The following MRPL3 variants were observed in gnomAD, a reference collection of about 807,000 sequenced individuals.
The protein encoded by MRPL3 is mitochondrial ribosomal protein L3.
A neutral mutation model predicts 44.3 loss-of-function variants in MRPL3; 43 were observed. The observed-to-expected ratio is 0.97, with a 90% CI of 0.76 to 1.25. The LOEUF (loss-of-function observed/expected upper bound fraction) is 1.25. MRPL3 is among the 50% of genes most tolerant of loss of function. MRPL3 has a pLI of 0.00. For missense variants in MRPL3, 406 were observed against 427.6 expected (o/e 0.95, Z 0.45); for synonymous variants, 171 against 152.3 (o/e 1.12, Z -0.91).
chr3:131,493,842 TA>T (rs1246292664), intron 4 of MRPL3, among the ~76,000 whole-genome samples: 1 of 152,118 alleles, frequency 6.6e-6, no homozygotes, highest in African/African-American at 2.4e-5. Flanking sequence ...TAGCAGCAAC[TA>T]AAAAACCCTA....
intron 3 of MRPL3, 129 bp from the exon 4 acceptor site, chr3:131,498,406 C>T (rs1934416711): frequency 8.9e-6 from 5 of 564,444 alleles, no homozygotes; most frequent in Non-Finnish European, 1.5e-5. Flanking sequence ...TCCTCTAACA[C>T]CAACCACAAT....
At chr3:131,475,883 C>T (rs892897589) in intron 6 of MRPL3, among the ~76,000 whole-genome samples, 2 of 152,142 alleles carry the variant, frequency 1.3e-5, no homozygotes, top group African/African-American at 4.8e-5. Context: ...TTTGAACTTA[C>T]CATATCATTT....
chr3:131,468,159 T>C lies in MRPL3; in HGVS notation c.826A>G (p.Ile276Val). ...RTEYGLKVWR[I>V]NTKHNIIYVN... ...TAGATTATGTTGTGCTTTGTGTTTA[T>C]TCTCCACACCTAAAGCATGAAATAA... is the stretch of plus-strand genomic sequence containing the variant. The change falls in exon 9 of 10, where the codon ATA (isoleucine) becomes GTA (valine). Residue 276 changes from isoleucine to valine, a missense_variant. Ile to Val is a conservative substitution (Grantham distance 29). Coordinates refer to ENST00000264995, the MANE Select transcript of MRPL3 (RefSeq NM_007208.4). 6.3e-7 allele frequency: 1 copy of C among 1,586,492 alleles called. No individual in the cohort carries two copies. Among genetic ancestry groups the C allele is most frequent in the South Asian group, 1.2e-5 (1 of 85,380 alleles).
chr3:131,463,914 A>G (rs1482595650), intron 9 of MRPL3, among the ~76,000 whole-genome samples: 1 of 152,156 alleles, frequency 6.6e-6, no homozygotes, highest in Non-Finnish European at 1.5e-5. Flanking sequence ...TACTTTAGCA[A>G]TAAGAAATGA....
At chr3:131,490,296 C>T (rs965213848) in intron 4 of MRPL3, among the ~76,000 whole-genome samples, 1 of 152,050 alleles carries the variant, frequency 6.6e-6, no homozygotes, top group Non-Finnish European at 1.5e-5. Flanking sequence ...TATTTAGATT[C>T]CAATCATGTA....
intron 6 of MRPL3, among the ~76,000 whole-genome samples, chr3:131,476,553 A>G (rs1269908958): frequency 1.3e-5 from 2 of 152,192 alleles, no homozygotes; most frequent in East Asian, 3.8e-4. Flanking sequence ...TTTTTAATTA[A>G]TGATAGCAGA....
intron 4 of MRPL3, among the ~76,000 whole-genome samples, chr3:131,495,774 T>C (rs1934353816): frequency 6.6e-6 from 1 of 152,206 alleles, no homozygotes; most frequent in East Asian, 1.9e-4. Flanking sequence ...ATAGAATAAA[T>C]TGAGCTCCCA....
intron 8 of MRPL3, among the ~76,000 whole-genome samples, chr3:131,468,609 G>A (rs144591525): frequency 1.7e-3 from 257 of 152,146 alleles, no homozygotes; most frequent in Non-Finnish European, 3.0e-3. Context: ...GAGAAAAAAC[G>A]TACATAAATG....
chr3:131,497,002 A>G (rs1934383706), intron 4 of MRPL3, among the ~76,000 whole-genome samples: 1 of 152,198 alleles, frequency 6.6e-6, no homozygotes, highest in Admixed American at 6.5e-5. Context: ...TGCAGAGGCC[A>G]TTCTCTCTGG....
intron 4 of MRPL3, among the ~76,000 whole-genome samples, chr3:131,490,633 C>T (rs1382858119): frequency 6.6e-6 from 1 of 152,204 alleles, no homozygotes. Flanking sequence ...TTTCCTCTTC[C>T]TCCCTTTGAG....
At chr3:131,499,331 AAGTGTGATGCTGCTGCTC>A (rs1934441956) in intron 3 of MRPL3, among the ~76,000 whole-genome samples, 1 of 152,168 alleles carries the variant, frequency 6.6e-6, no homozygotes, top group Non-Finnish European at 1.5e-5. Context: ...TGTTGGCGTT[AAGTGTGATGCTGCTGCTC>A]AAGTTTTCTA....
chr3:131,479,256 T>C (rs774490555), intron 6 of MRPL3: 1 of 509,842 alleles, frequency 2.0e-6, no homozygotes, highest in Non-Finnish European at 3.9e-6. Context: ...TTTCACTTTC[T>C]CTCTTTATGC....
At chr3:131,475,170 C>T (rs1305880805) in intron 6 of MRPL3, among the ~76,000 whole-genome samples, 1 of 152,044 alleles carries the variant, frequency 6.6e-6, no homozygotes, top group Non-Finnish European at 1.5e-5. Context: ...TGTTCCCTAA[C>T]CCCACCAACG....
chr3:131,489,588 A>G (rs920637023), intron 5 of MRPL3, among the ~76,000 whole-genome samples: 1 of 152,128 alleles, frequency 6.6e-6, no homozygotes, highest in Non-Finnish European at 1.5e-5. Flanking sequence ...GAATCTTTAC[A>G]TTGAGGTGCT....
chr3:131,497,985 G>A, intron 4 of MRPL3, 194 bp downstream of exon 4: 1 of 581,312 alleles, frequency 1.7e-6, no homozygotes, highest in Non-Finnish European at 3.0e-6. Flanking sequence ...TACAGGGAGA[G>A]GTATTAGAAC....
intron 9 of MRPL3, 103 bp downstream of exon 9, chr3:131,467,988 T>C (rs1042217847): frequency 1.6e-5 from 9 of 568,278 alleles, no homozygotes; most frequent in Non-Finnish European, 2.6e-5. Flanking sequence ...TTATGGCAAA[T>C]ATCCACATAT....
rs139009725 is a variant in MRPL3 at position 131,463,086 on chromosome 3, A to G, written c.895-211T>C. Among the ~76,000 whole-genome samples, 210 of 152,344 alleles carry G rather than the reference A, an allele frequency of 1.4e-3. 1 individual carries two copies. Among genetic ancestry groups the G allele is most frequent in the African/African-American group, 4.7e-3 (195 of 41,596 alleles). ...TCCAGTAACAGAAACTCAAGAAGCTATAAGGATAAAATCACCAATTGTTAC... is the reference window on the plus strand; with the variant it reads ...TCCAGTAACAGAAACTCAAGAAGCTGTAAGGATAAAATCACCAATTGTTAC... On this transcript the variant is annotated intron_variant, in intron 9 of 9. Coordinates refer to ENST00000264995, the MANE Select transcript of MRPL3 (RefSeq NM_007208.4).
chr3:131,485,727 A>C (rs1165129535), intron 6 of MRPL3, among the ~76,000 whole-genome samples: 2 of 152,184 alleles, frequency 1.3e-5, no homozygotes, highest in Non-Finnish European at 2.9e-5. Context: ...CCCACATTTC[A>C]TTTCTAAATA....
At chr3:131,493,134 G>A (rs1307439301) in intron 4 of MRPL3, among the ~76,000 whole-genome samples, 1 of 152,118 alleles carries the variant, frequency 6.6e-6, no homozygotes, top group Non-Finnish European at 1.5e-5. Context: ...CTCTATGTAT[G>A]CTTTCCTGAA....
Sources: allele counts gnomAD v4.1 joint callset (sites outside exome capture counted in the v4.1 genomes callset), GRCh38; gene constraint gnomAD v4.1.1; transcripts MANE v1.5; gene names NCBI Gene and HGNC (gene_info 2026-07-23, HGNC 2026-07-21).